The following MED12L variants were observed in gnomAD, a reference collection of about 807,000 sequenced individuals.
MED12L encodes mediator complex subunit 12L, also known as mediator of RNA polymerase II transcription subunit 12-like protein.
A neutral mutation model predicts 281.3 loss-of-function variants in MED12L; 60 were observed. The ratio of observed to expected loss-of-function variants is 0.21; its 90% confidence interval spans 0.17 to 0.26. MED12L has a LOEUF of 0.26. Ranked by LOEUF, MED12L falls within the 10% of genes least tolerant of loss-of-function variation. The pLI, the probability that MED12L is intolerant of heterozygous loss-of-function variation, is 1.00. For missense variants in MED12L, 2,146 were observed against 2,680.9 expected (o/e 0.80, Z 4.41); for synonymous variants, 974 against 987.2 (o/e 0.99, Z 0.25).
In MED12L at chr3:151,112,361, A is replaced by G. The variant is rs545210328; in HGVS notation, c.100-3977A>G. 2.0e-5 allele frequency among the ~76,000 whole-genome samples: 3 copies of G among 150,374 alleles called. No homozygotes were observed. In the East Asian group the frequency reaches 5.8e-4, roughly 29 times the overall value. On this transcript the variant is annotated intron_variant, in intron 2 of 44. Transcript: ENST00000687756. ...AGCAGCACGATCTCTCCTCTCTGCAACCTCCACCTCTCGGGTTCAAGCAAT... is the reference window on the plus strand; with the variant it reads ...AGCAGCACGATCTCTCCTCTCTGCAGCCTCCACCTCTCGGGTTCAAGCAAT...
intron 2 of MED12L, among the ~76,000 whole-genome samples, chr3:151,088,974 A>G (rs1165786728): frequency 6.6e-6 from 1 of 152,154 alleles, no homozygotes; most frequent in East Asian, 1.9e-4. Context: ...TTTGGGTACA[A>G]TATGGAACAG....
chr3:151,209,078 A>G (rs1049261680), intron 16 of MED12L, among the ~76,000 whole-genome samples: 3 of 152,226 alleles, frequency 2.0e-5, no homozygotes, highest in Non-Finnish European at 2.9e-5. Context: ...GAATCATACA[A>G]TGAACACCTT....
intron 31 of MED12L, 108 bp downstream of exon 31, chr3:151,378,281 G>A (rs1212288206): frequency 3.5e-6 from 4 of 1,136,150 alleles, no homozygotes; most frequent in Non-Finnish European, 3.5e-6. Flanking sequence ...CTGAAATTTA[G>A]TTTTTAAATG....
intron 16 of MED12L, chr3:151,269,499 A>G (rs185049311): frequency 1.0e-5 from 3 of 294,632 alleles, no homozygotes; most frequent in African/African-American, 2.3e-5. Context: ...GAACAGAAGT[A>G]TAACAAATTC....
At chr3:151,248,785 C>T (rs1023619703) in intron 16 of MED12L, 1 of 152,080 alleles carries the variant, frequency 6.6e-6, no homozygotes, top group African/African-American at 2.4e-5. Flanking sequence ...AGGATGTCAG[C>T]ACCACACAAA....
intron 2 of MED12L, among the ~76,000 whole-genome samples, chr3:151,112,282 C>CTTTTTT (rs11330453): frequency 4.5e-5 from 6 of 133,364 alleles, no homozygotes; most frequent in Non-Finnish European, 9.5e-5. Context: ...ATTTCTTTTT[C>CTTTTTT]TTTTTTTTTT....
chr3:151,350,856 A>G (rs578220796), intron 17 of MED12L, among the ~76,000 whole-genome samples: 2 of 152,194 alleles, frequency 1.3e-5, no homozygotes, highest in Non-Finnish European at 2.9e-5. Flanking sequence ...TTGTATCACC[A>G]CATTGCATAA....
rs1279006296 is a variant in MED12L at position 151,432,957 on chromosome 3, T to C, written c.*153T>C. 1.7e-6 allele frequency: 1 copy of C among 584,028 alleles called. No individual in the cohort carries two copies. Among genetic ancestry groups the C allele is most frequent in the South Asian group, 2.6e-5 (1 of 37,948 alleles). The allele number at this position is 584,028 out of a possible 1,614,324, so 36.2% of individuals were successfully genotyped here. A position where few individuals can be genotyped will look rare whatever the true frequency, so the allele number is the denominator to read the frequency against. ...TACATCTCACAAAAAAAAAAAAAGG[T>C]GTTTAAACAAAAAGCCAAGGAGAAG... On this transcript the variant is annotated 3_prime_UTR_variant, in exon 45 of 45. Coordinates refer to ENST00000687756, the MANE Select transcript of MED12L (RefSeq NM_001393769.1).
chr3:151,309,666 C>T (rs896058283), intron 16 of MED12L, among the ~76,000 whole-genome samples: 3 of 152,198 alleles, frequency 2.0e-5, no homozygotes, highest in Non-Finnish European at 4.4e-5. Context: ...AAGTGCTCCT[C>T]AGCCCCTGTG....
rs755526279 is a variant in MED12L, at chr3:151,311,302, T to TTA, written c.2251-38742_2251-38741dup. ...GGCACAGAATGAATAGTTTTTAAAA[T>TTA]TATATATATATATATAAACTGTGTG... is the stretch of plus-strand genomic sequence containing the variant. On this transcript the variant is annotated intron_variant, in intron 16 of 44. Coordinates refer to ENST00000687756, the MANE Select transcript of MED12L (RefSeq NM_001393769.1). Among the ~76,000 whole-genome samples, 153 of 150,120 alleles carry TTA rather than the reference T, an allele frequency of 1.0e-3. 1 individual carries two copies. The highest frequency in any genetic ancestry group is 2.1e-3 in the African/African-American group (84 of 40,926).
At chr3:151,223,689 C>T (rs1017791838) in intron 16 of MED12L, among the ~76,000 whole-genome samples, 5 of 152,130 alleles carry the variant, frequency 3.3e-5, no homozygotes, top group South Asian at 4.1e-4. Flanking sequence ...ACTCCAAAGA[C>T]GGGGAGGTAG....
intron 16 of MED12L, among the ~76,000 whole-genome samples, chr3:151,255,040 C>T (rs934603993): frequency 1.3e-5 from 2 of 152,004 alleles, no homozygotes; most frequent in South Asian, 2.1e-4. Flanking sequence ...TAGTATTATA[C>T]TCATAATAAG....
intron 16 of MED12L, among the ~76,000 whole-genome samples, chr3:151,285,316 C>G (rs62283019): frequency 0.02 from 3,040 of 152,034 alleles, 28 homozygotes; most frequent in South Asian, 0.037. Flanking sequence ...AACCCCGTCT[C>G]TACTAAAAAA....
At chr3:151,400,513 G>A (rs1316718298) in intron 39 of MED12L, among the ~76,000 whole-genome samples, 3 of 152,184 alleles carry the variant, frequency 2.0e-5, no homozygotes, top group Admixed American at 6.5e-5. Context: ...ACCAGTACAT[G>A]TAGCGACTTG....
At chr3:151,249,771 A>C (rs947060177) in intron 16 of MED12L, among the ~76,000 whole-genome samples, 1 of 152,124 alleles carries the variant, frequency 6.6e-6, no homozygotes, top group African/African-American at 2.4e-5. Flanking sequence ...CAATGCCTGG[A>C]TATTTCCTTC....
chr3:151,219,954 T>A (rs1729014917), intron 16 of MED12L, among the ~76,000 whole-genome samples: 1 of 139,924 alleles, frequency 7.1e-6, no homozygotes, highest in African/African-American at 2.6e-5. Context: ...AATATAACAA[T>A]TCATCTTAGC....
chr3:151,270,026 A>G (rs1577190100), intron 16 of MED12L: 1 of 251,708 alleles, frequency 4.0e-6, no homozygotes, highest in South Asian at 4.6e-5. Context: ...TAAATGATGA[A>G]GAAGGATGGG....
At chr3:151,375,562 T>C (rs1367487345) in intron 27 of MED12L, among the ~76,000 whole-genome samples, 1 of 152,194 alleles carries the variant, frequency 6.6e-6, no homozygotes, top group African/African-American at 2.4e-5. Context: ...TTTATAATGA[T>C]AACATTATTC....
intron 16 of MED12L, among the ~76,000 whole-genome samples, chr3:151,323,725 A>G (rs3971191): frequency 0.83 from 126,527 of 152,166 alleles, 52,649 homozygotes; most frequent in Middle Eastern, 0.96. Flanking sequence ...GAGTCATTAT[A>G]ATCTGTGTTC....
Sources: allele counts gnomAD v4.1 joint callset (sites outside exome capture counted in the v4.1 genomes callset), GRCh38; gene constraint gnomAD v4.1.1; transcripts MANE v1.5; gene names NCBI Gene and HGNC (gene_info 2026-07-23, HGNC 2026-07-21).